The following CRLF3 variants were observed in gnomAD, a reference collection of about 807,000 sequenced individuals.
The protein encoded by CRLF3 is cytokine receptor like factor 3.
In CRLF3, 33 loss-of-function variants were observed where a neutral mutation model predicts 55.0. The observed-to-expected ratio is 0.60, with a 90% confidence interval of 0.46 to 0.80. The LOEUF (loss-of-function observed/expected upper bound fraction) is 0.80, where lower values mean the gene tolerates loss of function less well. CRLF3 is among the 30% of genes least tolerant of loss of function. CRLF3 has a pLI of 0.00. For synonymous variants in CRLF3, 238 were observed against 196.8 expected, an observed-to-expected ratio of 1.21 and a Z score of -1.75; for missense variants, 494 against 538.4, an observed-to-expected ratio of 0.92 and a Z score of 0.82.
In CRLF3 at chr17:30,784,225, A is replaced by G; in HGVS notation, c.1291T>C (p.Ser431Pro). 1.2e-6 allele frequency: 2 copies of G among 1,614,086 alleles called. No individual in the cohort carries two copies. The highest frequency in any genetic ancestry group is 1.7e-6 in the Non-Finnish European group (2 of 1,179,998). Residue 431 changes from serine to proline, a missense_variant, in exon 8 of 8, where the codon TCA becomes CCA. By Grantham distance (74) the Ser-to-Pro change is moderately conservative. Transcript: ENST00000324238. ...ACTTTCCATCCAGGATAGAAAAATG[A>G]GCATCCAAAGTAAAGAGAACCACAA... ...QSCGSLYFGC[S>P]FFYPGWKVLV...
At chr17:30,806,542 C>A (rs1167687902) in intron 1 of CRLF3, among the ~76,000 whole-genome samples, 1 of 152,120 alleles carries the variant, frequency 6.6e-6, no homozygotes, top group Non-Finnish European at 1.5e-5. Flanking sequence ...AGAAACATTG[C>A]CCTAAATCTA....
rs1281730584 is a variant in CRLF3, at chr17:30,797,299, A to G, written c.425+12T>C. ...GCTTAAAAGTAAGTCAAAAAGGCAC[A>G]AACTCTTTTACCTGTCCAACTGAAT... On this transcript the variant is annotated intron_variant, in intron 3 of 7. Coordinates refer to ENST00000324238, the MANE Select transcript of CRLF3 (RefSeq NM_015986.4). 13 of 1,600,430 alleles carry G rather than the reference A, an allele frequency of 8.1e-6. No individual in the cohort carries two copies. The highest frequency in any genetic ancestry group is 1.3e-5 in the African/African-American group (1 of 74,670).
At chr17:30,786,459 G>C (rs1356952513) in intron 6 of CRLF3, 1 of 154,376 alleles carries the variant, frequency 6.5e-6, no homozygotes, top group Non-Finnish European at 1.4e-5. Context: ...AGCTGGTCTT[G>C]AACTCCTGAC....
chr17:30,813,744 C>T (rs142676371), intron 1 of CRLF3, among the ~76,000 whole-genome samples: 2 of 151,456 alleles, frequency 1.3e-5, no homozygotes, highest in African/African-American at 4.8e-5. Context: ...TCTCCTAATG[C>T]TATCCCTCCC....
At chr17:30,812,687 G>C (rs1027114351) in intron 1 of CRLF3, among the ~76,000 whole-genome samples, 1 of 152,060 alleles carries the variant, frequency 6.6e-6, no homozygotes, top group Admixed American at 6.6e-5. Context: ...TAGAATCTGG[G>C]CTGGGCCTGT....
chr17:30,785,987 A>G lies in CRLF3; in HGVS notation c.1004T>C (p.Val335Ala). The G allele has an allele frequency of 6.2e-7, 1 of 1,613,062 alleles. No homozygotes were observed. The highest frequency in any genetic ancestry group is 8.5e-7 in the Non-Finnish European group (1 of 1,179,316). The change falls in exon 7 of 8, where the codon GTG becomes GCG. Residue 335 changes from valine (V) to alanine (A), a missense_variant. By Grantham distance (64) the Val-to-Ala change is moderately conservative (BLOSUM62 0). Coordinates refer to ENST00000324238, the MANE Select transcript of CRLF3 (RefSeq NM_015986.4). ...ATATCCATCCTGTTTTTCTGCACAC[A>G]CTCCTATGCTATCTCTTCTGTCTGG... is the stretch of plus-strand genomic sequence containing the variant. ...GQPDRRDSIG[V>A]CAEKQDGYDS...
chr17:30,801,939 C>T (rs751410817), intron 2 of CRLF3, among the ~76,000 whole-genome samples: 10 of 151,566 alleles, frequency 6.6e-5, no homozygotes, highest in Non-Finnish European at 1.2e-4. Flanking sequence ...TCCTCTTTTT[C>T]CTATGTCTGC....
intron 6 of CRLF3, 169 bp from the exon 7 acceptor site, chr17:30,786,200 T>C: frequency 1.9e-6 from 1 of 516,820 alleles, no homozygotes; most frequent in South Asian, 2.8e-5. Flanking sequence ...CTAATTATTT[T>C]ATATCTATCT....
At position 30,816,492 on chromosome 17, in the gene CRLF3, T is replaced by C. The variant is rs568321981; in HGVS notation, c.129+8031A>G. ...TTTACTGTATCTTCTTTCTTTCTTT[T>C]TTTTTTTTTTTTTTTTAGACAGGGT... On this transcript the variant is annotated intron_variant, in intron 1 of 7. Coordinates refer to ENST00000324238, the MANE Select transcript of CRLF3 (RefSeq NM_015986.4). Among the ~76,000 whole-genome samples, 233 of 147,260 alleles carry C rather than the reference T, an allele frequency of 1.6e-3. 1 individual carries two copies. Among genetic ancestry groups the C allele is most frequent in the Middle Eastern group, 0.011 (3 of 284 alleles).
Position 30,792,428 on chromosome 17 carries a change from A to C in CRLF3, c.959+12T>G. On this transcript the variant is annotated intron_variant, in intron 6 of 7. Transcript: ENST00000324238. ...TTCCTGAGGCAGGTGAGATGTTTTA[A>C]TATCTACTTGCCTGAATGTTAATGT... The C allele has an allele frequency of 6.3e-7, 1 of 1,599,226 alleles. No individual in the cohort carries two copies. Among genetic ancestry groups the C allele is most frequent in the Non-Finnish European group, 8.6e-7 (1 of 1,167,414 alleles).
intron 1 of CRLF3, among the ~76,000 whole-genome samples, chr17:30,805,701 G>A (rs1452829711): frequency 7.0e-6 from 1 of 143,784 alleles, no homozygotes; most frequent in Admixed American, 7.3e-5. Context: ...GCAACAGAGT[G>A]AGACTCCGTC....
intron 6 of CRLF3, 119 bp downstream of exon 6, chr17:30,792,321 G>T (rs1971820197): frequency 1.1e-6 from 1 of 918,828 alleles, no homozygotes; most frequent in Non-Finnish European, 1.6e-6. Flanking sequence ...CCTTCCCACA[G>T]TAACACTGCC....
At chr17:30,804,971 T>G (rs1904341278) in intron 1 of CRLF3, among the ~76,000 whole-genome samples, 1 of 152,174 alleles carries the variant, frequency 6.6e-6, no homozygotes, top group East Asian at 1.9e-4. Flanking sequence ...TCATTTGAAG[T>G]CAGGAGTTCA....
chr17:30,816,106 A>C (rs1904795527), intron 1 of CRLF3, among the ~76,000 whole-genome samples: 1 of 151,460 alleles, frequency 6.6e-6, no homozygotes, highest in African/African-American at 2.4e-5. Flanking sequence ...ATATGGTGAA[A>C]CTCCGTCTGT....
intron 7 of CRLF3, 175 bp from the exon 8 acceptor site, chr17:30,784,618 A>C (rs1597909332): frequency 1.8e-6 from 1 of 567,778 alleles, no homozygotes; most frequent in East Asian, 2.9e-5. Context: ...TCCAGCAGAG[A>C]CTATGAGTTT....
intron 4 of CRLF3, among the ~76,000 whole-genome samples, chr17:30,795,185 T>C (rs1666678148): frequency 6.6e-6 from 1 of 152,116 alleles, no homozygotes; most frequent in Non-Finnish European, 1.5e-5. Context: ...AAAATTTCCT[T>C]TTAATAAAAT....
At position 30,793,570 on chromosome 17, in the gene CRLF3, C is replaced by T. The variant is rs139102054; in HGVS notation, c.706G>A (p.Val236Ile). Residue 236 changes from valine to isoleucine, a missense_variant, in exon 5 of 8, where the codon GTA (valine) becomes ATA (isoleucine). Physicochemically the swap from Val to Ile is conservative, Grantham distance 29. Transcript: ENST00000324238. ...VYVGSETEFIVLHIDPNVDYQ... is the reference protein window; with the variant it reads ...VYVGSETEFIILHIDPNVDYQ... ...TCAACGTTGGGGTCTATGTGCAATA[C>T]TATGAATTCAGTTTCAGAACCTACA... 434 of 1,614,036 alleles carry T rather than the reference C, an allele frequency of 2.7e-4. No individual in the cohort carries two copies. The highest frequency in any genetic ancestry group is 3.4e-4 in the Non-Finnish European group (401 of 1,179,970).
At chr17:30,789,323 T>G (rs568356596) in intron 6 of CRLF3, among the ~76,000 whole-genome samples, 4 of 152,202 alleles carry the variant, frequency 2.6e-5, no homozygotes, top group Non-Finnish European at 4.4e-5. Flanking sequence ...ATTTCCAATG[T>G]CTTAATAAAT....
intron 5 of CRLF3, among the ~76,000 whole-genome samples, chr17:30,793,136 C>CA (rs1448361912): frequency 4.6e-5 from 7 of 150,974 alleles, no homozygotes; most frequent in African/African-American, 9.8e-5. Context: ...GACCTTGTCT[C>CA]AAAAAAACTA....
Sources: allele counts gnomAD v4.1 joint callset (sites outside exome capture counted in the v4.1 genomes callset), GRCh38; gene constraint gnomAD v4.1.1; transcripts MANE v1.5; gene names NCBI Gene and HGNC (gene_info 2026-07-23, HGNC 2026-07-21).